STPG2: variants seen among roughly 807,000 people sequenced by gnomAD.
The protein encoded by STPG2 is sperm tail PG-rich repeat containing 2.
A neutral mutation model predicts 54.2 loss-of-function variants in STPG2; 56 were observed. The observed-to-expected ratio is 1.03, with a 90% confidence interval of 0.83 to 1.29. The LOEUF (loss-of-function observed/expected upper bound fraction) is 1.29. STPG2 is among the 50% of genes most tolerant of loss of function. STPG2 has a pLI of 0.00. For synonymous variants in STPG2, 200 were observed against 181.8 expected (o/e 1.10, Z -0.81); for missense variants, 596 against 544.9 (o/e 1.09, Z -0.93).
At chr4:98,111,878 T>C (rs192817135) in intron 3 of STPG2, among the ~76,000 whole-genome samples, 96 of 152,218 alleles carry the variant, frequency 6.3e-4, no homozygotes, top group African/African-American at 2.2e-3. Context: ...CATCTTCTCC[T>C]ACCTTCGGAC....
chr4:97,890,734 CCA>C (rs1419200657), intron 8 of STPG2, among the ~76,000 whole-genome samples: 1 of 151,724 alleles, frequency 6.6e-6, no homozygotes, highest in Non-Finnish European at 1.5e-5. Flanking sequence ...GATAGCTATC[CCA>C]GTTACCCTAA....
chr4:97,966,754 C>A (rs1084782), intron 7 of STPG2, among the ~76,000 whole-genome samples: 63,430 of 151,978 alleles, frequency 0.42, 13,816 homozygotes, highest in Admixed American at 0.53. Context: ...CCCACAATTT[C>A]ATATCCAGCC....
At chr4:97,702,668 A>G (rs1723812343) in intron 10 of STPG2, among the ~76,000 whole-genome samples, 1 of 152,122 alleles carries the variant, frequency 6.6e-6, no homozygotes, top group Admixed American at 6.5e-5. Context: ...TATTGCCACT[A>G]CTGGGGATGG....
chr4:97,490,591 C>T (rs57297771), intron 4 of STPG2, among the ~76,000 whole-genome samples: 1 of 151,374 alleles, frequency 6.6e-6, no homozygotes, highest in Non-Finnish European at 1.5e-5. Flanking sequence ...ACTCGCTTCC[C>T]TGTACCTCCT....
rs562636330 is a variant in STPG2 at position 97,962,944 on chromosome 4, A to G, written c.933+9336T>C. On this transcript the variant is annotated intron_variant, in intron 7 of 10. Coordinates refer to ENST00000295268, the MANE Select transcript of STPG2 (RefSeq NM_174952.3). Reference sequence around the variant, plus strand: ...GGGAAGCTGAGGCAGGTGGATCATGAGGTCAGGAGTTCGAGATCAGCCTGA... The same window carrying G: ...GGGAAGCTGAGGCAGGTGGATCATGGGGTCAGGAGTTCGAGATCAGCCTGA... Among the ~76,000 whole-genome samples the G allele has an allele frequency of 2.0e-5, 3 of 152,144 alleles. No individual in the cohort carries two copies. The South Asian group carries it at 6.2e-4, about 32-fold the overall frequency.
At chr4:97,453,547 G>A (rs1190411463) in intron 4 of STPG2, among the ~76,000 whole-genome samples, 1 of 152,210 alleles carries the variant, frequency 6.6e-6, no homozygotes, top group Admixed American at 6.5e-5. Context: ...GTGACAATGG[G>A]ATACTGATCT....
chr4:97,461,627 A>C (rs1234181126), intron 4 of STPG2, among the ~76,000 whole-genome samples: 1 of 152,164 alleles, frequency 6.6e-6, no homozygotes, highest in Non-Finnish European at 1.5e-5. Context: ...TTTATAACCC[A>C]CCCAGTCTAT....
At chr4:97,583,589 G>A (rs1281880178) in intron 10 of STPG2, among the ~76,000 whole-genome samples, 2 of 151,596 alleles carry the variant, frequency 1.3e-5, no homozygotes, top group African/African-American at 2.4e-5. Flanking sequence ...GGCCATTTAG[G>A]ACTATTTGGT....
intron 10 of STPG2, among the ~76,000 whole-genome samples, chr4:97,657,614 C>T (rs1722251442): frequency 6.6e-6 from 1 of 151,096 alleles, no homozygotes; most frequent in Non-Finnish European, 1.5e-5. Context: ...GTCTGCCTTG[C>T]TCAAGAATTG....
intron 5 of STPG2, among the ~76,000 whole-genome samples, chr4:98,076,050 C>T (rs1018629453): frequency 2.6e-5 from 4 of 152,128 alleles, no homozygotes; most frequent in Non-Finnish European, 5.9e-5. Flanking sequence ...TGAGACCATC[C>T]TGGCTAACAT....
chr4:97,838,018 GTAA>G (rs1728681685), intron 9 of STPG2, among the ~76,000 whole-genome samples: 1 of 151,458 alleles, frequency 6.6e-6, no homozygotes, highest in African/African-American at 2.4e-5. Flanking sequence ...ATTCTTTCTA[GTAA>G]TGTCATGACC....
intron 10 of STPG2, among the ~76,000 whole-genome samples, chr4:97,630,232 G>A (rs969573987): frequency 1.3e-5 from 2 of 151,676 alleles, no homozygotes; most frequent in Non-Finnish European, 3.0e-5. Context: ...AAGTCCAAGG[G>A]CTCTATTTGC....
intron 5 of STPG2, among the ~76,000 whole-genome samples, chr4:98,058,980 CA>C (rs55750054): frequency 0.45 from 59,568 of 131,192 alleles, 12,013 homozygotes; most frequent in Middle Eastern, 0.54. Flanking sequence ...TAGCAGAAGA[CA>C]AAAAAAAAAA....
chr4:97,734,138 G>A (rs1330562459), intron 9 of STPG2, among the ~76,000 whole-genome samples: 1 of 152,072 alleles, frequency 6.6e-6, no homozygotes, highest in Non-Finnish European at 1.5e-5. Context: ...TGTTACCTGT[G>A]TACTTGAGTT....
intron 10 of STPG2, among the ~76,000 whole-genome samples, chr4:97,646,758 T>C (rs1721923834): frequency 6.6e-6 from 1 of 152,172 alleles, no homozygotes. Context: ...GTTATAATAA[T>C]TTCAAAATCA....
chr4:97,453,275 C>T (rs559247846), intron 4 of STPG2, among the ~76,000 whole-genome samples: 5 of 152,316 alleles, frequency 3.3e-5, no homozygotes, highest in South Asian at 2.1e-4. Flanking sequence ...ACATCCATGT[C>T]GGCACTGGAG....
chr4:97,510,914 G>A (rs912067619), intron 4 of STPG2, among the ~76,000 whole-genome samples: 2 of 152,098 alleles, frequency 1.3e-5, no homozygotes, highest in African/African-American at 4.8e-5. Context: ...GCTGTACATC[G>A]CTGTGATAAT....
chr4:97,816,768 TTTTC>T (rs895645055), intron 9 of STPG2, among the ~76,000 whole-genome samples: 11 of 151,354 alleles, frequency 7.3e-5, no homozygotes, highest in African/African-American at 2.7e-4. Context: ...TTTTCTTTTC[TTTTC>T]TTTTTCTTTC....
chr4:97,565,021 CAG>C (rs1221227259), intron 10 of STPG2, among the ~76,000 whole-genome samples: 1 of 152,288 alleles, frequency 6.6e-6, no homozygotes, highest in African/African-American at 2.4e-5. Flanking sequence ...TAATATCCTG[CAG>C]AGTGTTTTCC....
Sources: allele counts gnomAD v4.1 joint callset (sites outside exome capture counted in the v4.1 genomes callset), GRCh38; gene constraint gnomAD v4.1.1; transcripts MANE v1.5; gene names NCBI Gene and HGNC (gene_info 2026-07-23, HGNC 2026-07-21).